The following TTLL3 variants were observed in gnomAD, a reference collection of about 807,000 sequenced individuals.
TTLL3 encodes the protein tubulin monoglycylase TTLL3.
Under a neutral mutation model 75.2 loss-of-function variants are expected in TTLL3, and 63 were observed. The ratio of observed to expected loss-of-function variants is 0.84; its 90% CI spans 0.68 to 1.03. The LOEUF (loss-of-function observed/expected upper bound fraction) is 1.03, where lower values mean the gene tolerates loss of function less well. TTLL3 is among the 50% of genes least tolerant of loss of function. TTLL3 has a pLI of 0.00. For synonymous variants in TTLL3, 393 were observed against 418.5 expected (o/e 0.94, Z 0.74); for missense variants, 997 against 1,069.9 (o/e 0.93, Z 0.95).
At chr3:9,812,530 G>T (rs559949150) in intron 2 of TTLL3, among the ~76,000 whole-genome samples, 1 of 151,458 alleles carries the variant, frequency 6.6e-6, no homozygotes, top group South Asian at 2.1e-4. Flanking sequence ...AATTATCTGG[G>T]CGTGGTGGCA....
At chr3:9,818,696 C>A (rs1007375974) in intron 6 of TTLL3, 126 bp from the exon 7 acceptor site, 5 of 1,557,308 alleles carry the variant, frequency 3.2e-6, no homozygotes, top group Admixed American at 3.6e-5. Context: ...TAAACTCAGG[C>A]TCTAGAGTCA....
intron 10 of TTLL3, chr3:9,828,131 G>A (rs2081223028): frequency 7.9e-6 from 1 of 126,238 alleles, no homozygotes; most frequent in South Asian, 2.5e-4. Context: ...GACAGATCAA[G>A]GATCTGTCTC....
At chr3:9,812,782 A>G (rs1306747839) in intron 2 of TTLL3, 161 bp from the exon 3 acceptor site, 4 of 799,584 alleles carry the variant, frequency 5.0e-6, no homozygotes, top group Admixed American at 3.8e-5. Flanking sequence ...ATTACCATGC[A>G]TATTTATTTC....
chr3:9,832,372 C>T (rs990324670), intron 11 of TTLL3, among the ~76,000 whole-genome samples: 21 of 152,050 alleles, frequency 1.4e-4, no homozygotes, highest in Non-Finnish European at 2.4e-4. Context: ...ACAGGTGTGA[C>T]CACCATGCCC....
Position 9,810,467 on chromosome 3 carries a change from CTG to C in TTLL3, c.-42+74_-42+75del. The C allele has an allele frequency of 6.9e-7, 1 of 1,441,186 alleles. No individual in the cohort carries two copies. Among genetic ancestry groups the C allele is most frequent in the Non-Finnish European group, 9.1e-7 (1 of 1,100,044 alleles). 89.3% of individuals were successfully genotyped at this position (1,441,186 alleles called of 1,614,324 possible). ...ACGACAAGACGCTGGGGTGGAGGGA[CTG>C]GGGGTCGGGAGAAGAGCGGCTGAGG... On this transcript the variant is annotated intron_variant, in intron 1 of 13. Coordinates refer to ENST00000685419, the MANE Select transcript of TTLL3 (RefSeq NM_001387446.1). The surrounding 1 kb of genome is among the most constrained non-coding windows in gnomAD (Gnocchi z 4.4).
Position 9,810,772 on chromosome 3 carries a change from G to A in TTLL3, c.48+63G>A, listed in dbSNP as rs367627895. On this transcript the variant is annotated intron_variant, in intron 2 of 13. Transcript: ENST00000685419. This position sits in a 1 kb window ranked among gnomAD's most constrained non-coding sequence, Gnocchi z 4.4. ...GGAGCGGCTCAGCCTGTCTCCCTGC[G>A]CTGTTTTCTTATATCCTTAAAAAAC... The A allele has an allele frequency of 6.2e-6, 9 of 1,441,020 alleles. No homozygotes were observed. The highest frequency in any genetic ancestry group is 1.4e-5 in the African/African-American group (1 of 69,198). The allele number at this position is 1,441,020 out of a possible 1,614,324, so 89.3% of individuals were successfully genotyped here. A position where few individuals can be genotyped will look rare whatever the true frequency, so the allele number is the denominator to read the frequency against.
chr3:9,834,348 C>T (rs2081886737), intron 12 of TTLL3: 1 of 529,874 alleles, frequency 1.9e-6, no homozygotes. Context: ...TAACAGTTTG[C>T]CCCATACCGC....
At chr3:9,819,358 G>A (rs1409987495) in intron 7 of TTLL3, 3 of 284,904 alleles carry the variant, frequency 1.1e-5, no homozygotes, top group Non-Finnish European at 1.7e-5. Context: ...CCATTCTTCT[G>A]TCCCAGGTAC....
In TTLL3 at chr3:9,827,143, T is replaced by A. The variant is rs1174639793; in HGVS notation, c.1150T>A (p.Phe384Ile). ...FGTKFDLRQW[F>I]LVTDWNPLTV... ...CACCAAGTTTGACCTCAGACAGTGG[T>A]TCCTGGTAACTGACTGGAACCCACT... The change falls in exon 10 of 14, where the codon TTC becomes ATC. Residue 384 changes from phenylalanine to isoleucine, a missense_variant. Phe to Ile is a conservative substitution (Grantham distance 21). Transcript: ENST00000685419. The A allele has an allele frequency of 2.5e-6, 4 of 1,614,206 alleles. No individual in the cohort carries two copies. Among genetic ancestry groups the A allele is most frequent in the Non-Finnish European group, 3.4e-6 (4 of 1,180,040 alleles).
intron 4 of TTLL3, 101 bp from the exon 5 acceptor site, chr3:9,815,973 C>T: frequency 9.3e-6 from 11 of 1,177,168 alleles, no homozygotes; most frequent in Non-Finnish European, 1.2e-5. Flanking sequence ...GCATCCTCTC[C>T]TTCCTGTTCA....
At position 9,813,273 on chromosome 3, in the gene TTLL3, C is replaced by A; in HGVS notation, c.243C>A (p.Phe81Leu). The A allele has an allele frequency of 6.2e-7, 1 of 1,614,218 alleles. No individual in the cohort carries two copies. Among genetic ancestry groups the A allele is most frequent in the Non-Finnish European group, 8.5e-7 (1 of 1,180,046 alleles). Residue 81 changes from phenylalanine (F) to leucine (L), a missense_variant, in exon 4 of 14, where the codon TTC becomes TTA. By Grantham distance (22) the Phe-to-Leu change is conservative. Coordinates refer to ENST00000685419, the MANE Select transcript of TTLL3 (RefSeq NM_001387446.1). ...EDEDEDEDEE[F>L]QPSQLFDFDD... ...AGGATGAAGATGAGGACGAGGAGTT[C>A]CAGCCATCACAGCTGTTCGACTTCG...
At chr3:9,833,552 C>T (rs1442214356) in intron 12 of TTLL3, among the ~76,000 whole-genome samples, 1 of 152,172 alleles carries the variant, frequency 6.6e-6, no homozygotes, top group Non-Finnish European at 1.5e-5. Flanking sequence ...ACCATTCCCC[C>T]AAAACACCCG....
At chr3:9,827,377 C>A in intron 10 of TTLL3, 137 bp downstream of exon 10, 1 of 1,438,744 alleles carries the variant, frequency 7.0e-7, no homozygotes. Context: ...AGGCCCTCAT[C>A]CTGCCAGCTG....
intron 11 of TTLL3, among the ~76,000 whole-genome samples, chr3:9,830,642 G>T (rs1323954108): frequency 3.3e-5 from 5 of 152,192 alleles, no homozygotes; most frequent in African/African-American, 1.2e-4. Context: ...TGAGGGAAAA[G>T]GTGCCATTGT....
rs1400969668 is a variant in TTLL3, at chr3:9,829,322, C to A, written c.1610C>A (p.Thr537Asn). The change falls in exon 11 of 14, where the codon ACC becomes AAC. Residue 537 changes from threonine (T) to asparagine (N), a missense_variant. By Grantham distance (65) the Thr-to-Asn change is moderately conservative. Coordinates refer to ENST00000685419, the MANE Select transcript of TTLL3 (RefSeq NM_001387446.1). ...ARLCAGVQAD[T>N]LRVVIDRMLD... ...CTCTGTGCTGGCGTGCAAGCTGACA[C>A]CCTGCGCGTGGTCATTGACCGGATG... 8.7e-6 allele frequency: 14 copies of A among 1,613,496 alleles called. No homozygotes were observed. In the East Asian group the frequency reaches 2.9e-4, roughly 33 times the overall value.
Position 9,829,012 on chromosome 3 carries a change from C to T in TTLL3, c.1300C>T (p.His434Tyr). The T allele has an allele frequency of 3.7e-6, 6 of 1,614,252 alleles. No homozygotes were observed. Among genetic ancestry groups the T allele is most frequent in the Non-Finnish European group, 4.2e-6 (5 of 1,180,042 alleles). ...SIQKHLENSC[H>Y]RHPLLPPDNM... ...CCAGAAGCACCTGGAGAACTCATGC[C>T]ATCGGCATCCACTGCTTCCGCCAGA... Residue 434 changes from histidine (H) to tyrosine (Y), a missense_variant, in exon 11 of 14, where the codon CAT (histidine) becomes TAT (tyrosine). His to Tyr is a moderately conservative substitution (Grantham distance 83, BLOSUM62 2). Transcript: ENST00000685419.
intron 13 of TTLL3, 69 bp downstream of exon 13, chr3:9,834,976 G>A: frequency 6.2e-7 from 1 of 1,610,342 alleles, no homozygotes; most frequent in Non-Finnish European, 8.5e-7. Context: ...GGAGGGCACA[G>A]GCAGAGGGCA....
rs755391454 is a variant in TTLL3, at chr3:9,829,199, A to G, written c.1487A>G (p.Tyr496Cys). The G allele has an allele frequency of 3.7e-6, 6 of 1,614,106 alleles. No homozygotes were observed. The highest frequency in any genetic ancestry group is 2.7e-5 in the African/African-American group (2 of 74,946). ...TGTCGGAAGGCCAGCTTTGAGCTCT[A>G]TGGCGCTGACTTCGTGTTCGGGGAG... ...VQCRKASFEL[Y>C]GADFVFGEDF... Residue 496 changes from tyrosine to cysteine, a missense_variant, in exon 11 of 14, where the codon TAT becomes TGT. By Grantham distance (194) the Tyr-to-Cys change is radical. Coordinates refer to ENST00000685419, the MANE Select transcript of TTLL3 (RefSeq NM_001387446.1).
chr3:9,809,855 A>C, upstream of TTLL3: 1 of 427,542 alleles, frequency 2.3e-6, no homozygotes, highest in East Asian at 4.9e-5. Flanking sequence ...GATGGTGCCC[A>C]GGGAATGGTT....
Sources: allele counts gnomAD v4.1 joint callset (sites outside exome capture counted in the v4.1 genomes callset), GRCh38; gene constraint gnomAD v4.1.1; non-coding constraint Gnocchi (gnomAD v3.1); transcripts MANE v1.5; gene names NCBI Gene and HGNC (gene_info 2026-07-23, HGNC 2026-07-21).